Variants in HMGXB4 observed in about 807,000 individuals in gnomAD.
The protein encoded by HMGXB4 is HMG domain-containing protein 4.
HMGXB4 carries 27 observed loss-of-function variants against 63.9 expected under a neutral mutation model. That is an observed-to-expected ratio of 0.42 (90% CI 0.31 to 0.58). The LOEUF is 0.58. HMGXB4 is among the 20% of genes least tolerant of loss of function. The pLI is 0.13. For synonymous variants in HMGXB4, 264 were observed against 265.3 expected, an observed-to-expected ratio of 0.99 and a Z score of 0.05; for missense variants, 624 against 700.7, an observed-to-expected ratio of 0.89 and a Z score of 1.24.
At chr22:35,281,749 G>A (rs1163703290) in intron 5 of HMGXB4, among the ~76,000 whole-genome samples, 2 of 152,122 alleles carry the variant, frequency 1.3e-5, no homozygotes, top group Non-Finnish European at 2.9e-5. Context: ...ATGTATTCTA[G>A]CAAATGTCAG....
chr22:35,258,863 G>T (rs936520393), intron 1 of HMGXB4, among the ~76,000 whole-genome samples: 1 of 152,184 alleles, frequency 6.6e-6, no homozygotes, highest in Admixed American at 6.5e-5. Context: ...CTGGAGTTCA[G>T]AATTTCTCTT....
chr22:35,246,843 A>G, the HMGXB4 span, among the ~76,000 whole-genome samples: 2 of 152,246 alleles, frequency 1.3e-5, no homozygotes, highest in Admixed American at 1.3e-4. Context: ...TAGCAAGGAC[A>G]GGAAGAAGCA....
At position 35,286,561 on chromosome 22, in the gene HMGXB4, A is replaced by T. The variant is rs1363513991; in HGVS notation, c.1362+500A>T. Among the ~76,000 whole-genome samples, 3 of 152,224 alleles carry T rather than the reference A, an allele frequency of 2.0e-5. 1 individual carries two copies. The highest frequency in any genetic ancestry group is 2.9e-5 in the Non-Finnish European group (2 of 68,038). ...GGTAGTAAGACACTGATAAACAGTC[A>T]TATCTGGGCTGGGCACGGTGGCTCA... On this transcript the variant is annotated intron_variant, in intron 7 of 10. Transcript: ENST00000216106.
chr22:35,272,434 T>G (rs538820365), intron 5 of HMGXB4, among the ~76,000 whole-genome samples: 13 of 152,218 alleles, frequency 8.5e-5, no homozygotes, highest in East Asian at 5.8e-4. Context: ...GTGGTTTTTG[T>G]TTGGTTGGTT....
intron 1 of HMGXB4, among the ~76,000 whole-genome samples, chr22:35,260,029 T>G (rs1285967425): frequency 1.3e-5 from 2 of 152,214 alleles, no homozygotes; most frequent in Admixed American, 6.5e-5. Flanking sequence ...CTTTCTTTCT[T>G]TCTGTCTTCA....
intron 7 of HMGXB4, 140 bp from the exon 8 acceptor site, chr22:35,287,207 C>A: frequency 1.5e-6 from 1 of 648,352 alleles, no homozygotes; most frequent in Non-Finnish European, 2.8e-6. Context: ...TGACCCCCAG[C>A]TTAAAAGTTA....
chr22:35,256,244 T>C (rs1168867838), upstream of HMGXB4, among the ~76,000 whole-genome samples: 1 of 152,212 alleles, frequency 6.6e-6, no homozygotes, highest in Non-Finnish European at 1.5e-5. Flanking sequence ...CTCACCCAAC[T>C]CTGCAATGGA....
intron 9 of HMGXB4, among the ~76,000 whole-genome samples, chr22:35,290,505 C>T (rs1346818815): frequency 6.6e-6 from 1 of 151,744 alleles, no homozygotes; most frequent in Non-Finnish European, 1.5e-5. Flanking sequence ...ATTAGCTGGG[C>T]GTGGTGGCGG....
At chr22:35,245,297 A>C in the HMGXB4 span, among the ~76,000 whole-genome samples, 1 of 112,644 alleles carries the variant, frequency 8.9e-6, no homozygotes, top group Non-Finnish European at 2.0e-5. Flanking sequence ...TATATTATTT[A>C]TTTCTTTTTC....
At chr22:35,281,251 T>G (rs1924225904) in intron 5 of HMGXB4, among the ~76,000 whole-genome samples, 1 of 152,200 alleles carries the variant, frequency 6.6e-6, no homozygotes, top group Non-Finnish European at 1.5e-5. Flanking sequence ...TGAGACAAGA[T>G]TGTGGGTCTT....
intron 9 of HMGXB4, among the ~76,000 whole-genome samples, chr22:35,290,650 AAAAG>A (rs1924881933): frequency 1.3e-5 from 2 of 151,132 alleles, no homozygotes; most frequent in East Asian, 1.9e-4. Context: ...AAAAAAAAAA[AAAAG>A]AAACCCTGTA....
At position 35,265,472 on chromosome 22, in the gene HMGXB4, C is replaced by T; in HGVS notation, c.1084C>T (p.Pro362Ser). 6.2e-7 allele frequency: 1 copy of T among 1,613,972 alleles called. No individual in the cohort carries two copies. The highest frequency in any genetic ancestry group is 8.5e-7 in the Non-Finnish European group (1 of 1,180,016). The change falls in exon 5 of 11, where the codon CCT becomes TCT. Residue 362 changes from proline (P) to serine (S), a missense_variant. By Grantham distance (74) the Pro-to-Ser change is moderately conservative (BLOSUM62 -1). Coordinates refer to ENST00000216106, the MANE Select transcript of HMGXB4 (RefSeq NM_001003681.3). ...PVGEVTVTSG[P>S]PPSIPYAGAA... ...GGGAGAGGTCACAGTGACATCTGGC[C>T]CTCCTCCCAGCATCCCATACGCTGG...
At position 35,294,893 on chromosome 22, in the gene HMGXB4, T is replaced by A. The variant is rs1405199637; in HGVS notation, c.*1242T>A. ...CTGAATCATCTACATTTTAAGGTAT[T>A]TTACCTCAAAAATGAATCATTGTGT... On this transcript the variant is annotated 3_prime_UTR_variant, in exon 11 of 11. Coordinates refer to ENST00000216106, the MANE Select transcript of HMGXB4 (RefSeq NM_001003681.3). 1 of 152,184 alleles carries A rather than the reference T, an allele frequency of 6.6e-6. No homozygotes were observed. Among genetic ancestry groups the A allele is most frequent in the Non-Finnish European group, 1.5e-5 (1 of 68,036 alleles). 9.4% of individuals were successfully genotyped at this position (152,184 alleles called of 1,614,324 possible).
intron 5 of HMGXB4, among the ~76,000 whole-genome samples, chr22:35,279,603 T>G (rs1255486411): frequency 6.6e-6 from 1 of 152,050 alleles, no homozygotes; most frequent in Non-Finnish European, 1.5e-5. Context: ...GTTTTATAGT[T>G]TTGTACTTTA....
intron 5 of HMGXB4, among the ~76,000 whole-genome samples, chr22:35,266,942 C>G (rs139331535): frequency 1.0e-3 from 154 of 152,216 alleles, no homozygotes; most frequent in African/African-American, 3.6e-3. Flanking sequence ...TATAATCTTG[C>G]CACTGCAACT....
chr22:35,264,307 A>G (rs1923051237), intron 4 of HMGXB4, among the ~76,000 whole-genome samples: 1 of 152,232 alleles, frequency 6.6e-6, no homozygotes, highest in Non-Finnish European at 1.5e-5. Flanking sequence ...CTGAACACAG[A>G]AACAAATGAT....
chr22:35,277,993 A>G (rs902276824), intron 5 of HMGXB4, among the ~76,000 whole-genome samples: 1 of 152,192 alleles, frequency 6.6e-6, no homozygotes, highest in Admixed American at 6.5e-5. Context: ...TCACTGCCCT[A>G]AAAATCCTGT....
At chr22:35,285,947 G>A (rs375541125) in intron 6 of HMGXB4, 50 bp from the exon 7 acceptor site, 1 of 1,335,654 alleles carries the variant, frequency 7.5e-7, no homozygotes, top group Non-Finnish European at 1.0e-6. Context: ...CTTCTATTTT[G>A]TTAATAGCTA....
chr22:35,259,980 T>G (rs1348228295), intron 1 of HMGXB4, among the ~76,000 whole-genome samples: 1 of 152,250 alleles, frequency 6.6e-6, no homozygotes. Flanking sequence ...ATCCACTAGT[T>G]TTTTAAAGCA....
Sources: gnomAD v4.1 joint callset for allele counts (sites outside exome capture counted in the v4.1 genomes callset) on GRCh38, gnomAD v4.1.1 for gene constraint, MANE v1.5 for transcripts, NCBI Gene and HGNC (gene_info 2026-07-23, HGNC 2026-07-21) for gene names.